WDR1: variants seen among roughly 807,000 people sequenced by gnomAD.
WDR1 encodes WD repeat domain 1.
A neutral mutation model predicts 71.9 loss-of-function variants in WDR1; 21 were observed. That is an observed-to-expected ratio of 0.29 (90% CI 0.21 to 0.42). The LOEUF is 0.42. Among genes scored for constraint, WDR1 ranks in the 10% least tolerant of loss-of-function variants. The pLI is 1.00. For missense variants in WDR1, 696 were observed against 824.5 expected (o/e 0.84, Z 1.91); for synonymous variants, 424 against 347.4 (o/e 1.22, Z -2.45).
In WDR1 at chr4:10,093,186, G is replaced by A. The variant is rs1712115062; in HGVS notation, c.559-4445C>T. On this transcript the variant is annotated intron_variant, in intron 5 of 14. Transcript: ENST00000499869. ...CTCACTACCTACCTAGTCAGCTCAG[G>A]AACCCTCTGGGAGCCCACCCCATTC... 5 of 1,282,912 alleles carry A rather than the reference G, an allele frequency of 3.9e-6. No individual in the cohort carries two copies. In the South Asian group the frequency reaches 4.9e-5, roughly 13 times the overall value. The allele number at this position is 1,282,912 out of a possible 1,614,324, so 79.5% of individuals were successfully genotyped here.
intron 8 of WDR1, among the ~76,000 whole-genome samples, chr4:10,086,582 G>GGGCCGAGTGCACA (rs1161320767): frequency 6.6e-6 from 1 of 152,150 alleles, no homozygotes; most frequent in African/African-American, 2.4e-5. Context: ...AGCACAGCAC[G>GGGCCGAGTGCACA]GGCCGAGTGC....
Position 10,075,162 on chromosome 4 carries a change from C to G in WDR1, c.*216G>C. ...ATGCTCCACACATTGTTTAGGTGCT[C>G]GCTTTATTTTTCATGTGCAAACTGT... On this transcript the variant is annotated 3_prime_UTR_variant, in exon 15 of 15. Coordinates refer to ENST00000499869, the MANE Select transcript of WDR1 (RefSeq NM_017491.5). The G allele has an allele frequency of 1.8e-6, 1 of 545,002 alleles. No homozygotes were observed. The highest frequency in any genetic ancestry group is 3.3e-6 in the Non-Finnish European group (1 of 306,316). The allele number at this position is 545,002 out of a possible 1,614,324, so 33.8% of individuals were successfully genotyped here. A position where few individuals can be genotyped will look rare whatever the true frequency, so the allele number is the denominator to read the frequency against.
intron 3 of WDR1, among the ~76,000 whole-genome samples, chr4:10,100,388 G>A (rs901850444): frequency 5.3e-5 from 8 of 152,210 alleles, no homozygotes; most frequent in African/African-American, 1.9e-4. Flanking sequence ...GAGTTAACAC[G>A]TGCGAAGTCT....
chr4:10,103,612 G>A (rs977053593), intron 3 of WDR1, among the ~76,000 whole-genome samples: 5 of 152,126 alleles, frequency 3.3e-5, no homozygotes, highest in African/African-American at 9.7e-5. Context: ...AAAACCTCAC[G>A]TTTTAAAAAG....
chr4:10,103,752 C>T, intron 3 of WDR1, 144 bp downstream of exon 3: 1 of 701,110 alleles, frequency 1.4e-6, no homozygotes, highest in Non-Finnish European at 2.4e-6. Context: ...ACTGGCTCCC[C>T]TCAACTCACC....
chr4:10,090,729 C>T lies in WDR1; in HGVS notation c.559-1988G>A, dbSNP rs193056899. Among the ~76,000 whole-genome samples, 20 of 152,276 alleles carry T rather than the reference C, an allele frequency of 1.3e-4. No homozygotes were observed. The East Asian group carries it at 1.7e-3, about 13-fold the overall frequency. On this transcript the variant is annotated intron_variant, in intron 5 of 14. Coordinates refer to ENST00000499869, the MANE Select transcript of WDR1 (RefSeq NM_017491.5). Reference sequence around the variant, plus strand: ...ACCAGGATCTCCCACCTCATTGACCCGTGTTTTAACTTAGATGAAAGCCGG... The same window carrying T: ...ACCAGGATCTCCCACCTCATTGACCTGTGTTTTAACTTAGATGAAAGCCGG...
Position 10,083,297 on chromosome 4 carries a change from A to C in WDR1, c.1040-119T>G, listed in dbSNP as rs994918468. ...TGAGAATCTCGCCGCAAACGGACATAACCATTCCCCCTGGGAAGCCTGCAG... is the reference window on the plus strand; with the variant it reads ...TGAGAATCTCGCCGCAAACGGACATCACCATTCCCCCTGGGAAGCCTGCAG... On this transcript the variant is annotated intron_variant, in intron 9 of 14. Transcript: ENST00000499869. 1.7e-5 allele frequency: 22 copies of C among 1,308,696 alleles called. No homozygotes were observed. In the African/African-American group the frequency reaches 3.1e-4, roughly 18 times the overall value. 81.1% of individuals were successfully genotyped at this position (1,308,696 alleles called of 1,614,324 possible).
chr4:10,108,953 G>A (rs1021438576), intron 2 of WDR1, among the ~76,000 whole-genome samples: 2 of 152,236 alleles, frequency 1.3e-5, no homozygotes, highest in African/African-American at 4.8e-5. Context: ...GGACACCAGA[G>A]TGGGGAAGGT....
Position 10,116,753 on chromosome 4 carries a change from C to G in WDR1, c.-87G>C, listed in dbSNP as rs11557743. 0.45 allele frequency: 558,009 copies of G among 1,245,102 alleles called. 126,226 individuals carry two copies. The highest frequency in any genetic ancestry group is 0.54 in the Admixed American group (13,149 of 24,316). The allele number at this position is 1,245,102 out of a possible 1,614,324, so 77.1% of individuals were successfully genotyped here. ...AATTACACCTCGCCGAGGCCGAGCC[C>G]GGGGACTGGAGCCGGAAGGCGGCAC... On this transcript the variant is annotated 5_prime_UTR_variant, in exon 1 of 15. Transcript: ENST00000499869.
chr4:10,103,289 G>GACACACACACACAC (rs5856034), intron 3 of WDR1, among the ~76,000 whole-genome samples: 1 of 146,914 alleles, frequency 6.8e-6, no homozygotes, highest in Non-Finnish European at 1.5e-5. Flanking sequence ...CACACACACA[G>GACACACACACACAC]ACACACACAC....
Position 10,083,097 on chromosome 4 carries a change from T to C in WDR1, c.1121A>G (p.Asp374Gly). 1 of 1,613,854 alleles carries C rather than the reference T, an allele frequency of 6.2e-7. No homozygotes were observed. Among genetic ancestry groups the C allele is most frequent in the Non-Finnish European group, 8.5e-7 (1 of 1,179,856 alleles). ...GCAGCTGATGAGCTGCCCCGACTCA[T>C]CCACGGTCATCCTGGACACCTGGTT... The part of the protein sequence containing the change: ...HTNQVSRMTV[D>G]ESGQLISCSM... The change falls in exon 10 of 15, where the codon GAT becomes GGT. Residue 374 changes from aspartate to glycine, a missense_variant. By Grantham distance (94) the Asp-to-Gly change is moderately conservative (BLOSUM62 -1). Coordinates refer to ENST00000499869, the MANE Select transcript of WDR1 (RefSeq NM_017491.5).
At chr4:10,089,930 T>C (rs928285458) in intron 5 of WDR1, among the ~76,000 whole-genome samples, 1 of 152,196 alleles carries the variant, frequency 6.6e-6, no homozygotes, top group Non-Finnish European at 1.5e-5. Context: ...AACAGGGTCT[T>C]TGCAGATGCA....
intron 5 of WDR1, 142 bp downstream of exon 5, chr4:10,097,569 C>T (rs985636171): frequency 4.9e-6 from 5 of 1,016,940 alleles, no homozygotes; most frequent in Non-Finnish European, 7.0e-6. Flanking sequence ...CCTCTCTCTG[C>T]ACACCCCTGG....
intron 3 of WDR1, among the ~76,000 whole-genome samples, chr4:10,101,925 ATAAATCACAGAGC>A (rs1425219484): frequency 6.6e-6 from 1 of 152,260 alleles, no homozygotes; most frequent in Non-Finnish European, 1.5e-5. Flanking sequence ...TGGGGAAAAA[ATAAATCACAGAGC>A]TAAATAAATC....
chr4:10,103,776 T>TGCC, intron 3 of WDR1, 120 bp downstream of exon 3: 2 of 180,008 alleles, frequency 1.1e-5, no homozygotes, highest in Non-Finnish European at 1.1e-5. Flanking sequence ...CCCAGCCTGC[T>TGCC]CCCCCACCCC....
At chr4:10,094,158 C>T (rs1414812256) in intron 5 of WDR1, among the ~76,000 whole-genome samples, 1 of 152,210 alleles carries the variant, frequency 6.6e-6, no homozygotes, top group African/African-American at 2.4e-5. Context: ...AGTGAGTTCT[C>T]AGTTCTGCAT....
intron 2 of WDR1, 83 bp downstream of exon 2, chr4:10,116,030 G>C: frequency 6.5e-7 from 1 of 1,537,686 alleles, no homozygotes. Context: ...ATGGGCAGGA[G>C]GTGAGAAGTG....
At chr4:10,082,998 C>A in intron 10 of WDR1, 24 bp downstream of exon 10, 1 of 1,592,064 alleles carries the variant, frequency 6.3e-7, no homozygotes, top group South Asian at 1.1e-5. Flanking sequence ...CATCCGGAAC[C>A]CCCGCAGACC....
chr4:10,093,349 G>GCCTCCACGAC (rs896845528), intron 5 of WDR1, among the ~76,000 whole-genome samples: 1 of 152,194 alleles, frequency 6.6e-6, no homozygotes, highest in African/African-American at 2.4e-5. Context: ...CCCAGCACGG[G>GCCTCCACGAC]CCTCCACGAC....
Sources: gnomAD v4.1 joint callset for allele counts (sites outside exome capture counted in the v4.1 genomes callset) on GRCh38, gnomAD v4.1.1 for gene constraint, MANE v1.5 for transcripts, NCBI Gene and HGNC (gene_info 2026-07-23, HGNC 2026-07-21) for gene names.